RABEP1: variants seen among roughly 807,000 people sequenced by gnomAD.
RABEP1 encodes the protein rabaptin, RAB GTPase binding effector protein 1.
In RABEP1, 51 loss-of-function variants were observed where a neutral mutation model predicts 123.4. That is an observed-to-expected ratio of 0.41 (90% CI 0.33 to 0.52). RABEP1 has a LOEUF of 0.52. RABEP1 is among the 20% of genes least tolerant of loss of function. The pLI is 0.16. For missense variants in RABEP1, 888 were observed against 996.3 expected (o/e 0.89, Z 1.46); for synonymous variants, 347 against 355.2 (o/e 0.98, Z 0.26).
chr17:5,295,609 A>T (rs772805807), intron 1 of RABEP1, among the ~76,000 whole-genome samples: 7 of 152,116 alleles, frequency 4.6e-5, no homozygotes, highest in Non-Finnish European at 7.3e-5. Context: ...ATACATTTAA[A>T]ATTTGATACT....
chr17:5,362,441 G>A (rs1396962218), intron 9 of RABEP1, among the ~76,000 whole-genome samples: 3 of 152,138 alleles, frequency 2.0e-5, no homozygotes, highest in Admixed American at 6.5e-5. Context: ...GGAAGCCACC[G>A]GTCAGTAAGT....
chr17:5,344,991 G>T (rs1907951736), intron 5 of RABEP1, among the ~76,000 whole-genome samples: 2 of 151,950 alleles, frequency 1.3e-5, no homozygotes, highest in African/African-American at 4.8e-5. Flanking sequence ...AAATAAACAG[G>T]TAAAGTGTAT....
intron 2 of RABEP1, among the ~76,000 whole-genome samples, chr17:5,323,759 AATATATATATATATCTAGGAAT>A (rs1567522068): frequency 1.5e-5 from 1 of 66,002 alleles, no homozygotes; most frequent in African/African-American, 6.3e-5. Flanking sequence ...TATATCTAGG[AATATATATATATATCTAGGAAT>A]ATATATATAT....
At chr17:5,296,480 C>CA (rs1373456510) in intron 1 of RABEP1, among the ~76,000 whole-genome samples, 1 of 152,132 alleles carries the variant, frequency 6.6e-6, no homozygotes, top group Non-Finnish European at 1.5e-5. Context: ...AGGCCGGTCT[C>CA]AAACTCCCAA....
intron 2 of RABEP1, among the ~76,000 whole-genome samples, chr17:5,329,531 C>T (rs1159836857): frequency 6.6e-6 from 1 of 151,906 alleles, no homozygotes; most frequent in Non-Finnish European, 1.5e-5. Context: ...GACTCCGTCT[C>T]AAAAAAATAA....
intron 2 of RABEP1, among the ~76,000 whole-genome samples, chr17:5,323,342 G>C (rs1241827180): frequency 6.6e-6 from 1 of 152,104 alleles, no homozygotes; most frequent in Non-Finnish European, 1.5e-5. Flanking sequence ...TATAGTATTG[G>C]AAATTGCAGC....
chr17:5,283,039 G>GTTAA (rs1250485256), intron 1 of RABEP1, among the ~76,000 whole-genome samples: 1 of 152,004 alleles, frequency 6.6e-6, no homozygotes, highest in African/African-American at 2.4e-5. Flanking sequence ...TGGCTTAATG[G>GTTAA]TTAAGTGTTG....
chr17:5,297,375 C>T (rs1400281703), intron 1 of RABEP1, among the ~76,000 whole-genome samples: 4 of 152,100 alleles, frequency 2.6e-5, no homozygotes, highest in Non-Finnish European at 4.4e-5. Context: ...TATAAATGAA[C>T]AGTGTGACTG....
At chr17:5,303,446 T>C (rs901012378) in intron 1 of RABEP1, among the ~76,000 whole-genome samples, 1 of 152,086 alleles carries the variant, frequency 6.6e-6, no homozygotes, top group African/African-American at 2.4e-5. Flanking sequence ...TTCGCCACAT[T>C]GACCAGGTTG....
intron 13 of RABEP1, among the ~76,000 whole-genome samples, chr17:5,373,693 A>AACACAC (rs55736303): frequency 0.12 from 15,960 of 135,096 alleles, 1,191 homozygotes; most frequent in Non-Finnish European, 0.16. Flanking sequence ...ACACCAGCTA[A>AACACAC]ACACACACAC....
At position 5,338,033 on chromosome 17, in the gene RABEP1, T is replaced by C; in HGVS notation, c.543T>C (p.Ala181=). 1 of 1,612,996 alleles carries C rather than the reference T, an allele frequency of 6.2e-7. No individual in the cohort carries two copies. Among genetic ancestry groups the C allele is most frequent in the South Asian group, 1.1e-5 (1 of 90,924 alleles). ...TTTAACCATAGGCCCAAGAGGATGC[T>C]GAGAAACTTCGGTCCGTTGTGATGC... is the stretch of plus-strand genomic sequence containing the variant. ...ENEMKKAQED[A]EKLRSVVMPM... is the part of the protein sequence containing the mutation. Residue 181 remains alanine (A), a synonymous_variant, in exon 5 of 18, where the codon GCT becomes GCC. Coordinates refer to ENST00000537505, the MANE Select transcript of RABEP1 (RefSeq NM_004703.6).
At chr17:5,299,621 T>C (rs890684910) in intron 1 of RABEP1, among the ~76,000 whole-genome samples, 1 of 151,852 alleles carries the variant, frequency 6.6e-6, no homozygotes, top group Non-Finnish European at 1.5e-5. Flanking sequence ...ATTTTTGCCT[T>C]GTGACCCAGT....
intron 1 of RABEP1, among the ~76,000 whole-genome samples, chr17:5,286,948 A>G (rs2074984327): frequency 6.6e-6 from 1 of 152,178 alleles, no homozygotes; most frequent in South Asian, 2.1e-4. Context: ...CTTGAAGTAG[A>G]TAGAGGAGTT....
chr17:5,339,681 T>C (rs1408523293), intron 5 of RABEP1, among the ~76,000 whole-genome samples: 1 of 151,790 alleles, frequency 6.6e-6, no homozygotes, highest in Non-Finnish European at 1.5e-5. Context: ...CGCCTTGTAG[T>C]CCCTTCTACT....
chr17:5,284,312 G>C (rs935938762), intron 1 of RABEP1, among the ~76,000 whole-genome samples: 2 of 152,080 alleles, frequency 1.3e-5, no homozygotes, highest in African/African-American at 4.8e-5. Flanking sequence ...CTCAAATCTT[G>C]TGACTCTAGG....
chr17:5,286,780 C>T (rs944381336), intron 1 of RABEP1, among the ~76,000 whole-genome samples: 3 of 151,890 alleles, frequency 2.0e-5, no homozygotes, highest in South Asian at 2.1e-4. Flanking sequence ...GTGGGAGAAA[C>T]GGATATTAAA....
chr17:5,287,470 G>A (rs138536616), intron 1 of RABEP1, among the ~76,000 whole-genome samples: 1 of 151,866 alleles, frequency 6.6e-6, no homozygotes, highest in East Asian at 1.9e-4. Flanking sequence ...ATGGTGGCAC[G>A]CGCCTGTAAT....
chr17:5,320,594 A>G (rs1198149296), intron 2 of RABEP1, among the ~76,000 whole-genome samples: 1 of 152,248 alleles, frequency 6.6e-6, no homozygotes, highest in Non-Finnish European at 1.5e-5. Flanking sequence ...TAATGTAGAT[A>G]CATGTAAGTT....
In RABEP1 at chr17:5,282,515, C is replaced by T. The variant is rs1270163923; in HGVS notation, c.29C>T (p.Pro10Leu). The change falls in exon 1 of 18, where the codon CCT becomes CTT. Residue 10 changes from proline (P) to leucine (L), a missense_variant. Coordinates refer to ENST00000537505, the MANE Select transcript of RABEP1 (RefSeq NM_004703.6). MAQPGPASQ[P>L]DVSLQQRVAE... ...GCGCAGCCGGGCCCGGCTTCCCAGC[C>T]TGACGGTGAGGCGCCCACCATGGCA... The T allele has an allele frequency of 2.4e-6, 3 of 1,243,476 alleles. No homozygotes were observed. The highest frequency in any genetic ancestry group is 3.0e-6 in the Non-Finnish European group (3 of 992,206). The allele number at this position is 1,243,476 out of a possible 1,614,324, so 77.0% of individuals were successfully genotyped here.
Sources: gnomAD v4.1 joint callset for allele counts (sites outside exome capture counted in the v4.1 genomes callset) on GRCh38, gnomAD v4.1.1 for gene constraint, MANE v1.5 for transcripts, NCBI Gene and HGNC (gene_info 2026-07-23, HGNC 2026-07-21) for gene names.